The following FAF1 variants were observed in gnomAD, a reference collection of about 807,000 sequenced individuals.
FAF1 encodes the protein FAS-associated factor 1.
Under a neutral mutation model 92.5 loss-of-function variants are expected in FAF1, and 25 were observed. The ratio of observed to expected loss-of-function variants is 0.27; its 90% CI spans 0.20 to 0.38. The LOEUF is 0.38. Among genes scored for constraint, FAF1 ranks in the 10% least tolerant of loss-of-function variants. FAF1 has a pLI of 1.00. For missense variants in FAF1, 636 were observed against 793.3 expected (o/e 0.80, Z 2.38); for synonymous variants, 234 against 273.2 (o/e 0.86, Z 1.42).
At chr1:50,928,953 C>T (rs1645027819) in intron 1 of FAF1, among the ~76,000 whole-genome samples, 2 of 151,002 alleles carry the variant, frequency 1.3e-5, no homozygotes, top group Non-Finnish European at 3.0e-5. Context: ...GGCATGGTGG[C>T]GTGCATCTGT....
chr1:50,715,803 C>T (rs180943890), intron 6 of FAF1, among the ~76,000 whole-genome samples: 7 of 151,992 alleles, frequency 4.6e-5, no homozygotes, highest in Admixed American at 2.6e-4. Flanking sequence ...TTTTACATAC[C>T]CCTCCACATT....
In FAF1 at chr1:50,566,879, A is replaced by G. The variant is rs1024282467; in HGVS notation, c.1268+198T>C. Among the ~76,000 whole-genome samples the G allele has an allele frequency of 2.0e-5, 3 of 152,120 alleles. No homozygotes were observed. The East Asian group carries it at 5.8e-4, about 29-fold the overall frequency. ...GTTTTCAGGTTATTCTTGAATTTAA[A>G]AAGTTTTTATAAGTTAAGGTACATT... is the stretch of plus-strand genomic sequence containing the variant. On this transcript the variant is annotated intron_variant, in intron 13 of 18. Transcript: ENST00000396153.
At chr1:50,916,511 C>CACCT (rs975430564) in intron 1 of FAF1, among the ~76,000 whole-genome samples, 9 of 152,176 alleles carry the variant, frequency 5.9e-5, no homozygotes, top group African/African-American at 2.2e-4. Context: ...AGTGCTTTCT[C>CACCT]AGAGTTCTAG....
At chr1:50,767,496 C>T (rs1256314347) in intron 4 of FAF1, among the ~76,000 whole-genome samples, 1 of 151,922 alleles carries the variant, frequency 6.6e-6, no homozygotes, top group Non-Finnish European at 1.5e-5. Context: ...GACAACTATG[C>T]CCAAGACACA....
At chr1:50,614,260 T>G (rs1228540848) in intron 8 of FAF1, among the ~76,000 whole-genome samples, 1 of 152,156 alleles carries the variant, frequency 6.6e-6, no homozygotes, top group Non-Finnish European at 1.5e-5. Flanking sequence ...CAGCACTTAT[T>G]TACGTCAATG....
intron 1 of FAF1, among the ~76,000 whole-genome samples, chr1:50,894,399 G>A (rs1644743118): frequency 6.6e-6 from 1 of 151,758 alleles, no homozygotes; most frequent in African/African-American, 2.4e-5. Context: ...CAGGACAGTG[G>A]GCTCCCCACT....
In FAF1 at chr1:50,447,121, C is replaced by CTTTT. The variant is rs61612294; in HGVS notation, c.1870-5602_1870-5599dup. ...AGAGGCTTCTCAAAACATATTCCTG[C>CTTTT]TTTTTTTTTTTTTTTTTTTTTTGAG... On this transcript the variant is annotated intron_variant, in intron 18 of 18. Transcript: ENST00000396153. Among the ~76,000 whole-genome samples the CTTTT allele has an allele frequency of 4.7e-4, 53 of 112,836 alleles. 1 individual carries two copies. Among genetic ancestry groups the CTTTT allele is most frequent in the South Asian group, 1.2e-3 (4 of 3,452 alleles). The allele number at this position is 112,836 out of a possible 152,430, so 74.0% of individuals were successfully genotyped here.
At chr1:50,920,301 CAA>C (rs370759273) in intron 1 of FAF1, among the ~76,000 whole-genome samples, 28 of 90,796 alleles carry the variant, frequency 3.1e-4, no homozygotes, top group Admixed American at 7.1e-4. Flanking sequence ...GACTCTGTCT[CAA>C]AAAAAAAAAA....
At chr1:50,760,632 A>T (rs1395507578) in intron 4 of FAF1, among the ~76,000 whole-genome samples, 1 of 152,224 alleles carries the variant, frequency 6.6e-6, no homozygotes, top group Non-Finnish European at 1.5e-5. Flanking sequence ...ATGTTGTTTG[A>T]AACCAACGAG....
chr1:50,868,371 T>C (rs868088438), intron 1 of FAF1, among the ~76,000 whole-genome samples: 11 of 152,304 alleles, frequency 7.2e-5, no homozygotes, highest in Middle Eastern at 6.8e-3. Context: ...AAGAAAGTAC[T>C]AGTATTTGCT....
intron 6 of FAF1, among the ~76,000 whole-genome samples, chr1:50,722,679 A>C (rs1335889209): frequency 1.3e-5 from 2 of 151,434 alleles, no homozygotes; most frequent in Non-Finnish European, 1.5e-5. Context: ...TATAAAATCT[A>C]AGTCCTGGCT....
intron 1 of FAF1, among the ~76,000 whole-genome samples, chr1:50,899,912 C>T (rs1051734738): frequency 6.6e-6 from 1 of 152,100 alleles, no homozygotes; most frequent in African/African-American, 2.4e-5. Flanking sequence ...CACTAGGGTG[C>T]CCATTTATTT....
chr1:50,856,694 T>A (rs1421284542), intron 2 of FAF1, among the ~76,000 whole-genome samples: 1 of 151,182 alleles, frequency 6.6e-6, no homozygotes, highest in Non-Finnish European at 1.5e-5. Flanking sequence ...AATTATGAAT[T>A]GAATTTATTC....
At chr1:50,660,967 G>A (rs1655344766) in intron 7 of FAF1, among the ~76,000 whole-genome samples, 1 of 151,950 alleles carries the variant, frequency 6.6e-6, no homozygotes, top group African/African-American at 2.4e-5. Context: ...CCTAGGTACA[G>A]GAAAAGAGGT....
intron 8 of FAF1, among the ~76,000 whole-genome samples, chr1:50,628,020 A>G (rs1394923645): frequency 2.0e-5 from 3 of 152,154 alleles, no homozygotes; most frequent in Non-Finnish European, 4.4e-5. Flanking sequence ...AACTGCAGAT[A>G]ACTCTGAATT....
chr1:50,874,978 G>A (rs1485672409), intron 1 of FAF1, among the ~76,000 whole-genome samples: 1 of 151,210 alleles, frequency 6.6e-6, no homozygotes, highest in Non-Finnish European at 1.5e-5. Flanking sequence ...ACAGGGTTTT[G>A]CCATGTTGCC....
intron 7 of FAF1, among the ~76,000 whole-genome samples, chr1:50,703,265 C>G (rs1657547630): frequency 6.6e-6 from 1 of 152,142 alleles, no homozygotes; most frequent in African/African-American, 2.4e-5. Flanking sequence ...ATATTTTTAT[C>G]TTGATGCAAT....
At chr1:50,514,457 T>C (rs1647182129) in intron 15 of FAF1, among the ~76,000 whole-genome samples, 1 of 152,246 alleles carries the variant, frequency 6.6e-6, no homozygotes, top group African/African-American at 2.4e-5. Flanking sequence ...TCTTTCAGGT[T>C]ACTACTTATT....
chr1:50,623,158 C>A (rs1319537969), intron 8 of FAF1, among the ~76,000 whole-genome samples: 1 of 152,056 alleles, frequency 6.6e-6, no homozygotes, highest in Non-Finnish European at 1.5e-5. Flanking sequence ...TCAAATCAGC[C>A]CATATGAAGT....
Sources: gnomAD v4.1 joint callset for allele counts (sites outside exome capture counted in the v4.1 genomes callset) on GRCh38, gnomAD v4.1.1 for gene constraint, MANE v1.5 for transcripts, NCBI Gene and HGNC (gene_info 2026-07-23, HGNC 2026-07-21) for gene names.